The following RANBP3L variants were observed in gnomAD, a reference collection of about 807,000 sequenced individuals.
RANBP3L encodes RAN binding protein 3 like.
In RANBP3L, 56 loss-of-function variants were observed where a neutral mutation model predicts 67.2. The ratio of observed to expected loss-of-function variants is 0.83; its 90% CI spans 0.67 to 1.04. The LOEUF (loss-of-function observed/expected upper bound fraction) is 1.04. Among genes scored for constraint, RANBP3L ranks in the 50% least tolerant of loss-of-function variants. The pLI is 0.00. For synonymous variants in RANBP3L, 164 were observed against 181.4 expected (o/e 0.90, Z 0.77); for missense variants, 496 against 535.5 (o/e 0.93, Z 0.73).
chr5:36,276,422 C>G (rs1387920458), intron 1 of RANBP3L, among the ~76,000 whole-genome samples: 1 of 152,004 alleles, frequency 6.6e-6, no homozygotes, highest in African/African-American at 2.4e-5. Context: ...TTAAAATTGT[C>G]CTAGACTATT....
intron 11 of RANBP3L, among the ~76,000 whole-genome samples, chr5:36,254,553 A>C (rs971291680): frequency 1.3e-5 from 2 of 152,006 alleles, no homozygotes; most frequent in African/African-American, 4.8e-5. Context: ...AGAGTAGTAA[A>C]TAACTTGGAC....
Position 36,265,478 on chromosome 5 carries a change from C to T in RANBP3L, c.311G>A (p.Ser104Asn). Residue 104 changes from serine (S) to asparagine (N), a missense_variant, in exon 5 of 14, where the codon AGT (serine) becomes AAT (asparagine). By Grantham distance (46) the Ser-to-Asn change is conservative. Transcript: ENST00000296604. ...TTCAGCACTCTTTATATCAACACTA[C>T]TTTGCACAAGAGCTGATGTCATAAA... ...NVFMTSALVQ[S>N]SVDIKSAEQG... 1 of 1,606,270 alleles carries T rather than the reference C, an allele frequency of 6.2e-7. No individual in the cohort carries two copies. Among genetic ancestry groups the T allele is most frequent in the Non-Finnish European group, 8.5e-7 (1 of 1,174,742 alleles).
chr5:36,257,353 G>A, intron 9 of RANBP3L, 101 bp downstream of exon 9: 1 of 462,150 alleles, frequency 2.2e-6, no homozygotes, highest in Non-Finnish European at 3.7e-6. Context: ...AAATCTTATA[G>A]TAAATATTAA....
chr5:36,273,812 A>C (rs908815369), intron 1 of RANBP3L, among the ~76,000 whole-genome samples: 2 of 152,230 alleles, frequency 1.3e-5, no homozygotes, highest in African/African-American at 4.8e-5. Context: ...GACAATGTAC[A>C]AGACATTTTG....
rs1339801914 is a variant in RANBP3L at position 36,274,788 on chromosome 5, G to A, written c.92-3477C>T. Among the ~76,000 whole-genome samples the A allele has an allele frequency of 2.0e-5, 3 of 152,026 alleles. No individual in the cohort carries two copies. In the East Asian group the frequency reaches 5.8e-4, roughly 29 times the overall value. On this transcript the variant is annotated intron_variant, in intron 1 of 13. Coordinates refer to ENST00000296604, the MANE Select transcript of RANBP3L (RefSeq NM_145000.5). ...AGGGTATTGGGGGGAAGGGGCTAAGGGAGAGGAAATAAGAATCTAATTAAG... is the reference window on the plus strand; with the variant it reads ...AGGGTATTGGGGGGAAGGGGCTAAGAGAGAGGAAATAAGAATCTAATTAAG...
chr5:36,270,761 A>C (rs2111892650), intron 2 of RANBP3L, among the ~76,000 whole-genome samples: 1 of 152,338 alleles, frequency 6.6e-6, no homozygotes, highest in East Asian at 1.9e-4. Flanking sequence ...GCCTCGAAAC[A>C]TGCGGGGATT....
chr5:36,255,254 A>C (rs950879761), intron 11 of RANBP3L, among the ~76,000 whole-genome samples: 7 of 152,112 alleles, frequency 4.6e-5, no homozygotes, highest in African/African-American at 1.7e-4. Context: ...TATCAAGGTC[A>C]CTAGTTAGTC....
chr5:36,256,944 T>A lies in RANBP3L; in HGVS notation c.900A>T (p.Leu300Phe). 6.2e-7 allele frequency: 1 copy of A among 1,612,712 alleles called. No individual in the cohort carries two copies. Among genetic ancestry groups the A allele is most frequent in the Non-Finnish European group, 8.5e-7 (1 of 1,179,064 alleles). Residue 300 changes from leucine to phenylalanine, a missense_variant, in exon 10 of 14, where the codon TTA becomes TTT. Transcript: ENST00000296604. ...GAGTAAAACATGATATACAGACCTTTAACACATTATGTTCTGTTTCCTCCC... is the reference window on the plus strand; with the variant it reads ...GAGTAAAACATGATATACAGACCTTAAACACATTATGTTCTGTTTCCTCCC... ...ITGEETEHNV[L>F]KINCKLFIFN...
Position 36,248,022 on chromosome 5 carries a change from A to G in RANBP3L, c.*1632T>C, listed in dbSNP as rs572740875. 1.3e-4 allele frequency among the ~76,000 whole-genome samples: 20 copies of G among 152,316 alleles called. 1 individual carries two copies. In the South Asian group the frequency reaches 4.1e-3, roughly 32 times the overall value. On this transcript the variant is annotated 3_prime_UTR_variant, in exon 14 of 14. Transcript: ENST00000296604. The stretch of plus-strand genomic sequence containing the variant: ...GAACCAGTGCTTTATTATCTTCTCC[A>G]AATATCTCTCTGTGTTATGTTTCTA...
chr5:36,294,017 A>T (rs1182699896), intron 1 of RANBP3L, among the ~76,000 whole-genome samples: 2 of 152,126 alleles, frequency 1.3e-5, no homozygotes, highest in African/African-American at 4.8e-5. Context: ...TTCGGCTGTA[A>T]ATCCATCTCT....
At chr5:36,291,266 A>G (rs919288662) in intron 1 of RANBP3L, among the ~76,000 whole-genome samples, 10 of 152,018 alleles carry the variant, frequency 6.6e-5, no homozygotes, top group African/African-American at 2.4e-4. Flanking sequence ...CTGTCTCTCT[A>G]AATTGCTCAT....
chr5:36,269,946 A>C lies in RANBP3L; in HGVS notation c.190+5T>G. On this transcript the variant is annotated splice_donor_5th_base_variant and intron_variant, in intron 3 of 13. Transcript: ENST00000296604. ...GATTTTGGAATACAGGATGAAAATC[A>C]TTACCTGGTTCTGCTGCTTCATACA... The C allele has an allele frequency of 4.3e-6, 7 of 1,612,158 alleles. No individual in the cohort carries two copies. The highest frequency in any genetic ancestry group is 1.3e-5 in the African/African-American group (1 of 75,024).
chr5:36,294,808 A>G (rs947940235), intron 1 of RANBP3L, among the ~76,000 whole-genome samples: 1 of 147,116 alleles, frequency 6.8e-6, no homozygotes, highest in Non-Finnish European at 1.5e-5. Context: ...TAGTGTATAT[A>G]TGTATGTATG....
chr5:36,301,509 T>C lies in RANBP3L; in HGVS notation c.-93A>G. ...GTGGCCTTCACCAGACACCCAGAAA[T>C]ACATAGATTCATGCAGATCTTGTCT... On this transcript the variant is annotated 5_prime_UTR_variant, in exon 1 of 14. Coordinates refer to ENST00000296604, the MANE Select transcript of RANBP3L (RefSeq NM_145000.5). 1 of 837,834 alleles carries C rather than the reference T, an allele frequency of 1.2e-6. No homozygotes were observed. The highest frequency in any genetic ancestry group is 2.0e-6 in the Non-Finnish European group (1 of 492,004). The allele number at this position is 837,834 out of a possible 1,614,324, so 51.9% of individuals were successfully genotyped here.
At chr5:36,295,232 C>T (rs1317572803) in intron 1 of RANBP3L, among the ~76,000 whole-genome samples, 1 of 152,036 alleles carries the variant, frequency 6.6e-6, no homozygotes, top group Non-Finnish European at 1.5e-5. Flanking sequence ...CCACCCATAT[C>T]TCATCTTGAA....
chr5:36,252,747 G>A (rs1304423948), intron 12 of RANBP3L, among the ~76,000 whole-genome samples: 3 of 152,098 alleles, frequency 2.0e-5, no homozygotes, highest in Non-Finnish European at 4.4e-5. Context: ...TGGCCCAGAC[G>A]ACTGGCAAGA....
intron 12 of RANBP3L, 141 bp from the exon 13 acceptor site, chr5:36,251,640 AT>A: frequency 2.0e-6 from 1 of 512,658 alleles, no homozygotes; most frequent in East Asian, 3.4e-5. Flanking sequence ...AACCCTAAAA[AT>A]TAAGCAGTAA....
intron 4 of RANBP3L, among the ~76,000 whole-genome samples, chr5:36,268,593 A>G (rs776791152): frequency 6.6e-6 from 1 of 152,286 alleles, no homozygotes; most frequent in Middle Eastern, 3.4e-3. Flanking sequence ...TATGAAAGGA[A>G]TCCCTGGAGT....
In RANBP3L at chr5:36,271,316, G is replaced by GA. The variant is rs137974479; in HGVS notation, c.92-6dup. ...GTTGAGCAATGACAGATTTTTCTGT[G>GA]AAAAAAAAGAAAACAGGCAAGAAAT... On this transcript the variant is annotated splice_region_variant and splice_polypyrimidine_tract_variant and intron_variant, in intron 1 of 13. Transcript: ENST00000296604. 3.0e-3 allele frequency: 4,682 copies of GA among 1,544,092 alleles called. 151 individuals are homozygous for GA. The African/African-American group carries it at 0.055, about 18-fold the overall frequency.
Sources: allele counts gnomAD v4.1 joint callset (sites outside exome capture counted in the v4.1 genomes callset), GRCh38; gene constraint gnomAD v4.1.1; transcripts MANE v1.5; gene names NCBI Gene and HGNC (gene_info 2026-07-23, HGNC 2026-07-21).